Variants in AFF2 observed in about 807,000 individuals in gnomAD.
AFF2 encodes ALF transcription elongation factor 2, also known as AF4/FMR2 family member 2.
Under a neutral mutation model 76.9 loss-of-function variants are expected in AFF2, and 14 were observed. That is an observed-to-expected ratio of 0.18 (90% confidence interval 0.12 to 0.28). AFF2 has a LOEUF of 0.28. Among genes scored for constraint, AFF2 ranks in the 10% least tolerant of loss-of-function variants. AFF2 has a pLI of 1.00. For missense variants in AFF2, 868 were observed against 1,001.1 expected, an observed-to-expected ratio of 0.87 and a Z score of 1.79; for synonymous variants, 398 against 366.7, an observed-to-expected ratio of 1.09 and a Z score of -0.98.
At chrX:148,916,259 G>A (rs1289953729) in intron 9 of AFF2, among the ~76,000 whole-genome samples, 2 of 91,076 alleles carry the variant, frequency 2.2e-5, no homozygotes, top group African/African-American at 8.9e-5. Context: ...GCCCAGGTTG[G>A]AGTGCAGTGG....
intron 1 of AFF2, among the ~76,000 whole-genome samples, chrX:148,650,002 T>C (rs1002159997): frequency 9.0e-6 from 1 of 110,650 alleles, no homozygotes. Flanking sequence ...GATACTAATC[T>C]GCTATGGAAA....
rs184095920 is a variant in AFF2 at position 148,629,368 on chromosome X, C to A, written c.48-22631C>A. ...AATTGTTAGTTTACTTTAATGAATC[C>A]AAACTTTATGAAGTCAAATATTTGA... is the stretch of plus-strand genomic sequence containing the variant. On this transcript the variant is annotated intron_variant, in intron 1 of 20. Transcript: ENST00000370460. Among the ~76,000 whole-genome samples the A allele has an allele frequency of 2.6e-3, 292 of 111,934 alleles. 1 individual carries two copies. Among genetic ancestry groups the A allele is most frequent in the African/African-American group, 9.0e-3 (278 of 30,839 alleles).
chrX:148,604,620 A>G (rs971448048), intron 1 of AFF2, among the ~76,000 whole-genome samples: 19 of 112,510 alleles, frequency 1.7e-4, no homozygotes, highest in Non-Finnish European at 3.6e-4. Context: ...ATAAAACACT[A>G]CATATAAAAA....
At chrX:148,978,522 G>A in intron 18 of AFF2, 67 bp downstream of exon 18, 1 of 788,396 alleles carries the variant, frequency 1.3e-6, no homozygotes, top group Non-Finnish European at 1.9e-6. Context: ...ACGACATGCA[G>A]GTTATCGAAT....
intron 3 of AFF2, among the ~76,000 whole-genome samples, chrX:148,710,559 T>A (rs1557262817): frequency 1.8e-5 from 2 of 112,331 alleles, no homozygotes; most frequent in African/African-American, 6.5e-5. Flanking sequence ...TGGCATTAAG[T>A]ATGTTTGCAA....
intron 3 of AFF2, among the ~76,000 whole-genome samples, chrX:148,755,350 G>A (rs782238772): frequency 5.4e-5 from 6 of 111,709 alleles, no homozygotes; most frequent in Non-Finnish European, 1.1e-4. Flanking sequence ...CTTAATCAGG[G>A]CCTTAAGTCT....
chrX:148,828,718 G>T (rs1461537943), intron 4 of AFF2, among the ~76,000 whole-genome samples: 2 of 111,796 alleles, frequency 1.8e-5, no homozygotes, highest in African/African-American at 6.5e-5. Context: ...ACCTTTCTTT[G>T]CAGTGTTTGA....
intron 3 of AFF2, among the ~76,000 whole-genome samples, chrX:148,729,922 G>A (rs1434303702): frequency 1.1e-4 from 12 of 111,782 alleles, no homozygotes; most frequent in Admixed American, 6.6e-4. Context: ...TTCACCAGCT[G>A]TAAAATAGTG....
chrX:148,883,253 T>C (rs2071119045), intron 7 of AFF2, among the ~76,000 whole-genome samples: 1 of 111,619 alleles, frequency 9.0e-6, no homozygotes, highest in Non-Finnish European at 1.9e-5. Context: ...ATGGATTACC[T>C]TCAGATTGTT....
chrX:148,917,108 T>G (rs1452124286), intron 9 of AFF2, among the ~76,000 whole-genome samples: 2 of 112,495 alleles, frequency 1.8e-5, no homozygotes. Context: ...AATAGAGTTT[T>G]ATTTTATAAT....
At chrX:148,645,024 A>G (rs1211608555) in intron 1 of AFF2, among the ~76,000 whole-genome samples, 2 of 112,455 alleles carry the variant, frequency 1.8e-5, no homozygotes, top group African/African-American at 6.5e-5. Context: ...TTTGTGAATT[A>G]CATTTTTAAA....
intron 3 of AFF2, among the ~76,000 whole-genome samples, chrX:148,665,552 T>C (rs1285206213): frequency 1.8e-5 from 2 of 110,451 alleles, no homozygotes; most frequent in African/African-American, 6.6e-5. Context: ...AAACCAAAAA[T>C]AGGAGGAAAG....
intron 3 of AFF2, among the ~76,000 whole-genome samples, chrX:148,677,983 G>C (rs191272669): frequency 1.6e-4 from 18 of 111,841 alleles, no homozygotes; most frequent in Non-Finnish European, 1.7e-4. Flanking sequence ...GAGTGGAATT[G>C]AATGTACAAT....
At chrX:148,718,664 A>G (rs192300645) in intron 3 of AFF2, among the ~76,000 whole-genome samples, 88 of 111,225 alleles carry the variant, frequency 7.9e-4, no homozygotes, top group African/African-American at 2.8e-3. Context: ...AAAACCTAAA[A>G]CCTCTCTCCT....
chrX:148,856,175 G>C (rs1398985517), intron 7 of AFF2, among the ~76,000 whole-genome samples: 1 of 111,725 alleles, frequency 9.0e-6, no homozygotes, highest in Non-Finnish European at 1.9e-5. Flanking sequence ...TAGATATTTG[G>C]TACTAGGCAC....
chrX:148,876,198 G>C (rs190941588), intron 7 of AFF2, among the ~76,000 whole-genome samples: 1 of 111,876 alleles, frequency 8.9e-6, no homozygotes, highest in East Asian at 2.8e-4. Context: ...ATTCCTACGT[G>C]CTAGGGGTTT....
At chrX:148,649,861 G>T (rs2054185938) in intron 1 of AFF2, among the ~76,000 whole-genome samples, 1 of 111,571 alleles carries the variant, frequency 9.0e-6, no homozygotes, top group Non-Finnish European at 1.9e-5. Flanking sequence ...TCTCTTCATG[G>T]GAGAATTAAA....
intron 3 of AFF2, among the ~76,000 whole-genome samples, chrX:148,765,227 T>C (rs1390899430): frequency 9.0e-6 from 1 of 111,561 alleles, no homozygotes; most frequent in Non-Finnish European, 1.9e-5. Context: ...TACTCTTTTC[T>C]TATTTTCTTT....
intron 3 of AFF2, among the ~76,000 whole-genome samples, chrX:148,757,802 C>A (rs782244528): frequency 2.2e-3 from 242 of 111,737 alleles, no homozygotes; most frequent in Non-Finnish European, 3.9e-3. Flanking sequence ...TATTTTTGTT[C>A]TTATGCTTTA....
Sources: gnomAD v4.1 joint callset for allele counts (sites outside exome capture counted in the v4.1 genomes callset) on GRCh38, gnomAD v4.1.1 for gene constraint, MANE v1.5 for transcripts, NCBI Gene and HGNC (gene_info 2026-07-23, HGNC 2026-07-21) for gene names.